Variants in HEMK2 observed in about 807,000 individuals in gnomAD.
The protein encoded by HEMK2 is methyltransferase HEMK2.
At chr21:28,714,028 A>T in the HEMK2 span, among the ~76,000 whole-genome samples, 1 of 152,310 alleles carries the variant, frequency 6.6e-6, no homozygotes, top group Non-Finnish European at 1.5e-5. Context: ...GCTCCTGACC[A>T]ACACCTTGTA....
chr21:28,855,513 C>T, the HEMK2 span, among the ~76,000 whole-genome samples: 11 of 152,248 alleles, frequency 7.2e-5, no homozygotes, highest in East Asian at 2.1e-3. Flanking sequence ...CAACACTTGA[C>T]CAAATGGGCC....
At chr21:28,804,963 T>C in the HEMK2 span, among the ~76,000 whole-genome samples, 13 of 152,238 alleles carry the variant, frequency 8.5e-5, no homozygotes, top group Non-Finnish European at 1.5e-4. Flanking sequence ...TCATTAAATA[T>C]ACAGCTTACC....
At chr21:28,618,272 A>T in the HEMK2 span, among the ~76,000 whole-genome samples, 2 of 152,192 alleles carry the variant, frequency 1.3e-5, no homozygotes, top group Non-Finnish European at 2.9e-5. Context: ...CTTACTTTTC[A>T]AAGTAAAATG....
chr21:28,874,299 C>T, the HEMK2 span: 10 of 152,314 alleles, frequency 6.6e-5, no homozygotes, highest in East Asian at 3.9e-4. Flanking sequence ...ACACCCTGCG[C>T]GAAGGGAAAG....
chr21:28,690,339 T>C, the HEMK2 span, among the ~76,000 whole-genome samples: 2 of 152,142 alleles, frequency 1.3e-5, no homozygotes, highest in Admixed American at 6.5e-5. Flanking sequence ...AGAAACTGAA[T>C]TGTGGCAATC....
At chr21:28,824,577 T>C in the HEMK2 span, among the ~76,000 whole-genome samples, 1 of 152,302 alleles carries the variant, frequency 6.6e-6, no homozygotes, top group East Asian at 1.9e-4. Context: ...AAAAGATTAG[T>C]ACTCCGCCTG....
chr21:28,825,840 T>A, the HEMK2 span, among the ~76,000 whole-genome samples: 1 of 152,192 alleles, frequency 6.6e-6, no homozygotes, highest in Admixed American at 6.5e-5. Context: ...CCCTCAGTCC[T>A]AAGACATCTG....
chr21:28,577,896 ACAC>A, the HEMK2 span, among the ~76,000 whole-genome samples: 2 of 152,216 alleles, frequency 1.3e-5, no homozygotes, highest in South Asian at 2.1e-4. Context: ...TTTGAAGAAG[ACAC>A]CACATTTATA....
the HEMK2 span, among the ~76,000 whole-genome samples, chr21:28,788,822 A>G: frequency 1.3e-5 from 2 of 152,172 alleles, no homozygotes; most frequent in African/African-American, 4.8e-5. Context: ...TAATCAGTTA[A>G]GATGAGATCA....
chr21:28,631,797 TAA>T, the HEMK2 span, among the ~76,000 whole-genome samples: 32,064 of 147,854 alleles, frequency 0.22, 4,426 homozygotes, highest in East Asian at 0.4. Flanking sequence ...AAGACTTTGT[TAA>T]AAAAAAAAAA....
At chr21:28,882,365 A>C in the HEMK2 span, 2 of 687,736 alleles carry the variant, frequency 2.9e-6, no homozygotes, top group Non-Finnish European at 4.8e-6. Context: ...GAAAAAAAAA[A>C]ATTAGAACGT....
chr21:28,606,694 T>A, the HEMK2 span, among the ~76,000 whole-genome samples: 215 of 152,306 alleles, frequency 1.4e-3, 4 homozygotes, highest in South Asian at 0.023. Context: ...TTGAGCAACG[T>A]CTCAATGTGC....
the HEMK2 span, among the ~76,000 whole-genome samples, chr21:28,590,614 C>T: frequency 2.6e-5 from 4 of 152,108 alleles, no homozygotes; most frequent in Non-Finnish European, 5.9e-5. Flanking sequence ...TAAGAAAAGA[C>T]ACAGCATTAA....
At chr21:28,717,321 G>A in the HEMK2 span, among the ~76,000 whole-genome samples, 7 of 152,106 alleles carry the variant, frequency 4.6e-5, no homozygotes, top group Admixed American at 2.6e-4. Flanking sequence ...GGTCTGCTCA[G>A]GGTTTCAACT....
the HEMK2 span, among the ~76,000 whole-genome samples, chr21:28,750,963 G>A: frequency 2.0e-5 from 3 of 152,110 alleles, no homozygotes; most frequent in Admixed American, 6.6e-5. Flanking sequence ...AGGTGCGGTG[G>A]CTCACGCCTG....
the HEMK2 span, among the ~76,000 whole-genome samples, chr21:28,709,362 G>T: frequency 1.3e-5 from 2 of 152,112 alleles, no homozygotes; most frequent in African/African-American, 4.8e-5. Context: ...GAACCCAGGA[G>T]TGGCACAAAT....
chr21:28,683,278 G>C, the HEMK2 span, among the ~76,000 whole-genome samples: 1 of 152,002 alleles, frequency 6.6e-6, no homozygotes, highest in African/African-American at 2.4e-5. Flanking sequence ...CAGTCACACA[G>C]GTATAACAAT....
At chr21:28,665,664 G>A in the HEMK2 span, among the ~76,000 whole-genome samples, 1 of 151,274 alleles carries the variant, frequency 6.6e-6, no homozygotes, top group African/African-American at 2.4e-5. Context: ...CAACCATTGT[G>A]GAAGTCGGTG....
the HEMK2 span, among the ~76,000 whole-genome samples, chr21:28,692,682 T>C: frequency 6.6e-6 from 1 of 152,188 alleles, no homozygotes; most frequent in African/African-American, 2.4e-5. Context: ...ATGTAAAACA[T>C]GATCTATGCA....
Sources: allele counts gnomAD v4.1 joint callset (sites outside exome capture counted in the v4.1 genomes callset), GRCh38; gene constraint gnomAD v4.1.1; transcripts MANE v1.5; gene names NCBI Gene and HGNC (gene_info 2026-07-23, HGNC 2026-07-21).